CCDC149: variants seen among roughly 807,000 people sequenced by gnomAD.
CCDC149 encodes the protein coiled-coil domain containing 149, also known as coiled-coil domain-containing protein 149.
CCDC149 carries 45 observed loss-of-function variants against 59.9 expected under a neutral mutation model. That is an observed-to-expected ratio of 0.75 (90% CI 0.59 to 0.96). The LOEUF (loss-of-function observed/expected upper bound fraction) is 0.96, where lower values mean the gene tolerates loss of function less well. Among genes scored for constraint, CCDC149 ranks in the 40% least tolerant of loss-of-function variants. The pLI is 0.00. For missense variants in CCDC149, 584 were observed against 664.7 expected, an observed-to-expected ratio of 0.88 and a Z score of 1.33; for synonymous variants, 245 against 260.6, an observed-to-expected ratio of 0.94 and a Z score of 0.58.
chr4:24,875,576 C>A (rs893523222), intron 2 of CCDC149, among the ~76,000 whole-genome samples: 5 of 150,916 alleles, frequency 3.3e-5, no homozygotes, highest in Non-Finnish European at 7.4e-5. Flanking sequence ...CTCAAGCAAT[C>A]CTCTCATCTC....
Position 24,938,570 on chromosome 4 carries a change from T to G in CCDC149, c.-65+41499A>C, listed in dbSNP as rs578233565. Among the ~76,000 whole-genome samples, 37 of 152,308 alleles carry G rather than the reference T, an allele frequency of 2.4e-4. 1 individual carries two copies. The South Asian group carries it at 7.5e-3, about 31-fold the overall frequency. ...GTGCAGGACAGGGGGTGCAGTGCAC[T>G]GGGCGTGAGCCGAAGCAGGGCGAGG... On this transcript the variant is annotated intron_variant, in intron 1 of 12. Transcript: ENST00000389609.
intron 1 of CCDC149, among the ~76,000 whole-genome samples, chr4:24,906,795 A>AT (rs1408333439): frequency 6.6e-6 from 1 of 152,142 alleles, no homozygotes; most frequent in African/African-American, 2.4e-5. Flanking sequence ...TTTGTTCTTC[A>AT]TTCATCCAAA....
At chr4:24,978,155 A>G (rs1724288592) in intron 1 of CCDC149, among the ~76,000 whole-genome samples, 1 of 152,162 alleles carries the variant, frequency 6.6e-6, no homozygotes, top group Non-Finnish European at 1.5e-5. Flanking sequence ...ACATGAATAA[A>G]TAAATCTGTG....
chr4:24,867,584 TG>T (rs927428647), intron 3 of CCDC149, among the ~76,000 whole-genome samples: 1 of 152,240 alleles, frequency 6.6e-6, no homozygotes, highest in African/African-American at 2.4e-5. Context: ...GGCTCTTAAA[TG>T]TGGTCCATGG....
At position 24,808,481 on chromosome 4, in the gene CCDC149, C is replaced by G. The variant is rs747001075; in HGVS notation, c.1531G>C (p.Glu511Gln). 1 of 1,481,144 alleles carries G rather than the reference C, an allele frequency of 6.8e-7. No individual in the cohort carries two copies. The highest frequency in any genetic ancestry group is 2.6e-5 in the Admixed American group (1 of 38,694). 91.8% of individuals were successfully genotyped at this position (1,481,144 alleles called of 1,614,324 possible). The stretch of plus-strand genomic sequence containing the variant: ...GCTTTGGCTGCTGGCCGGCTGGCCT[C>G]GAAGGAGTCCAGGTGAGATTTAGGG... Residue 511 changes from glutamate to glutamine, a missense_variant, in exon 13 of 13, where the codon GAG becomes CAG. By Grantham distance (29) the Glu-to-Gln change is conservative. Transcript: ENST00000635206.
At chr4:24,952,493 G>A (rs2109355523) in intron 1 of CCDC149, among the ~76,000 whole-genome samples, 1 of 148,216 alleles carries the variant, frequency 6.7e-6, no homozygotes, top group African/African-American at 2.5e-5. Flanking sequence ...TCAGGAGTCT[G>A]AGACAGGAGA....
chr4:24,814,760 A>G (rs1379663628), intron 12 of CCDC149, among the ~76,000 whole-genome samples: 1 of 152,210 alleles, frequency 6.6e-6, no homozygotes, highest in Non-Finnish European at 1.5e-5. Flanking sequence ...ATAACCTGGC[A>G]TTCAAGGCCT....
intron 1 of CCDC149, among the ~76,000 whole-genome samples, chr4:24,892,225 T>C (rs1307532294): frequency 3.3e-5 from 5 of 152,156 alleles, no homozygotes; most frequent in African/African-American, 1.2e-4. Flanking sequence ...CTACCACTTC[T>C]AGCTGAAGGA....
At position 24,953,145 on chromosome 4, in the gene CCDC149, T is replaced by C. The variant is rs553524153; in HGVS notation, c.-65+26924A>G. Among the ~76,000 whole-genome samples the C allele has an allele frequency of 1.9e-4, 29 of 152,252 alleles. 1 individual carries two copies. The highest frequency in any genetic ancestry group is 6.7e-4 in the African/African-American group (28 of 41,530). ...ATTGGGTCCAGAGAAGACTGGCAAG[T>C]GGATGACATCTGAGAATTGAAGGGA... On this transcript the variant is annotated intron_variant, in intron 1 of 12. Transcript: ENST00000389609.
intron 10 of CCDC149, among the ~76,000 whole-genome samples, chr4:24,821,605 T>C (rs1195993856): frequency 6.6e-6 from 1 of 152,240 alleles, no homozygotes; most frequent in Non-Finnish European, 1.5e-5. Context: ...CCTGCCTCAC[T>C]GTGCTGACTT....
At chr4:24,850,612 T>C (rs574957911) in intron 4 of CCDC149, among the ~76,000 whole-genome samples, 243 of 151,532 alleles carry the variant, frequency 1.6e-3, no homozygotes, top group Non-Finnish European at 3.0e-3. Context: ...CAGAAATGAG[T>C]AGGGGTCAGA....
intron 1 of CCDC149, among the ~76,000 whole-genome samples, chr4:24,935,526 A>G (rs1014992714): frequency 1.2e-4 from 19 of 152,258 alleles, no homozygotes; most frequent in African/African-American, 3.9e-4. Context: ...AGGTCATGAC[A>G]GCAGAACCCT....
chr4:24,851,758 A>C (rs537779022), intron 4 of CCDC149, among the ~76,000 whole-genome samples: 2 of 152,202 alleles, frequency 1.3e-5, no homozygotes, highest in East Asian at 1.9e-4. Context: ...CCCTCCTGCT[A>C]TCACTTGAGG....
intron 1 of CCDC149, among the ~76,000 whole-genome samples, chr4:24,890,768 G>C (rs1357496425): frequency 6.6e-6 from 1 of 152,202 alleles, no homozygotes; most frequent in East Asian, 1.9e-4. Context: ...ATACTCTAAA[G>C]CAAGGAGGTG....
chr4:24,828,792 A>T (rs1227017997), intron 9 of CCDC149: 4 of 152,380 alleles, frequency 2.6e-5, no homozygotes, highest in African/African-American at 9.6e-5. Context: ...ACAAACAAAC[A>T]AACAAAAAAC....
At position 24,808,614 on chromosome 4, in the gene CCDC149, C is replaced by G. The variant is rs2109082058; in HGVS notation, c.1398G>C (p.Lys466Asn). 1 of 1,552,332 alleles carries G rather than the reference C, an allele frequency of 6.4e-7. No homozygotes were observed. Among genetic ancestry groups the G allele is most frequent in the Non-Finnish European group, 8.7e-7 (1 of 1,147,138 alleles). ...CTTCCAGTTCTGCAGCTGCCTGTTC[C>G]TTTGTCAGTTTAATTATTTCCCTCC... Residue 466 changes from lysine to asparagine, a missense_variant, in exon 13 of 13, where the codon AAG (lysine) becomes AAC (asparagine). Lys to Asn is a moderately conservative substitution (Grantham distance 94, BLOSUM62 0). Transcript: ENST00000635206.
At chr4:24,809,608 G>A (rs58699727) in intron 12 of CCDC149, among the ~76,000 whole-genome samples, 10,751 of 152,226 alleles carry the variant, frequency 0.071, 1,270 homozygotes, top group African/African-American at 0.24. Context: ...CTTAGTACCC[G>A]GGCATGTGCA....
intron 9 of CCDC149, among the ~76,000 whole-genome samples, chr4:24,825,772 C>CAA (rs879693016): frequency 3.8e-4 from 46 of 120,578 alleles, no homozygotes; most frequent in African/African-American, 1.2e-3. Context: ...GACTCCGTCT[C>CAA]AAAAAAAAAA....
chr4:24,945,517 G>T (rs1723082396), intron 1 of CCDC149, among the ~76,000 whole-genome samples: 1 of 152,118 alleles, frequency 6.6e-6, no homozygotes, highest in Non-Finnish European at 1.5e-5. Context: ...AGGGAGCATG[G>T]CCCTCCTGAC....
Sources: allele counts gnomAD v4.1 joint callset (sites outside exome capture counted in the v4.1 genomes callset), GRCh38; gene constraint gnomAD v4.1.1; transcripts MANE v1.5; gene names NCBI Gene and HGNC (gene_info 2026-07-23, HGNC 2026-07-21).